Variants in MADD observed in about 807,000 individuals in gnomAD.
MADD encodes MAP kinase-activating death domain protein.
A neutral mutation model predicts 176.7 loss-of-function variants in MADD; 109 were observed. The observed-to-expected ratio is 0.62, with a 90% confidence interval of 0.53 to 0.72. MADD has a LOEUF of 0.72. Ranked by LOEUF, MADD falls within the 30% of genes least tolerant of loss-of-function variation. The pLI is 0.00. For synonymous variants in MADD, 771 were observed against 771.3 expected, an observed-to-expected ratio of 1.00 and a Z score of 0.01; for missense variants, 1,914 against 2,045.5, an observed-to-expected ratio of 0.94 and a Z score of 1.24.
exon 33 of MADD, chr11:47,329,437 A>C (rs1317523793): frequency 2.4e-6 from 1 of 421,510 alleles, no homozygotes; most frequent in Non-Finnish European, 4.4e-6. Context: ...TGTGTCCTTG[A>C]GACATTTGTG....
chr11:47,324,598 G>T, intron 30 of MADD, 21 bp downstream of exon 33: 1 of 1,536,256 alleles, frequency 6.5e-7, no homozygotes, highest in Non-Finnish European at 9.0e-7. Context: ...GCGGCAGCAC[G>T]AGGCTCCCTG....
At chr11:47,283,125 G>T (rs370454867) in intron 10 of MADD, among the ~76,000 whole-genome samples, 156 bp downstream of exon 10, 1 of 152,112 alleles carries the variant, frequency 6.6e-6, no homozygotes. Flanking sequence ...ACGGAGTCTC[G>T]CTCTGTCACC....
chr11:47,321,912 G>T (rs1459515371), intron 27 of MADD, among the ~76,000 whole-genome samples: 1 of 152,144 alleles, frequency 6.6e-6, no homozygotes, highest in Non-Finnish European at 1.5e-5. Context: ...TGGACACAAT[G>T]AGTTTGAGGT....
chr11:47,291,893 AG>A (rs1394535979), intron 19 of MADD, among the ~76,000 whole-genome samples: 1 of 152,204 alleles, frequency 6.6e-6, no homozygotes, highest in African/African-American at 2.4e-5. Flanking sequence ...TTCCCTATGA[AG>A]ATGCTGGTCT....
intron 25 of MADD, among the ~76,000 whole-genome samples, chr11:47,310,672 A>G (rs1325050960): frequency 3.3e-5 from 5 of 150,580 alleles, no homozygotes; most frequent in Non-Finnish European, 7.4e-5. Context: ...TTGGGAGAAC[A>G]GGGCGGGCAG....
chr11:47,317,387 T>A (rs529378291), intron 27 of MADD, among the ~76,000 whole-genome samples: 1 of 152,230 alleles, frequency 6.6e-6, no homozygotes, highest in Admixed American at 6.5e-5. Flanking sequence ...TTGGTTGATA[T>A]AATTCTTAAG....
At chr11:47,299,379 C>T (rs139258232) in intron 22 of MADD, among the ~76,000 whole-genome samples, 35 of 151,908 alleles carry the variant, frequency 2.3e-4, no homozygotes, top group African/African-American at 8.0e-4. Context: ...CTTTTACCTC[C>T]TTCATAAAAG....
chr11:47,316,747 T>C (rs1361197919), intron 27 of MADD, among the ~76,000 whole-genome samples: 1 of 151,866 alleles, frequency 6.6e-6, no homozygotes, highest in Non-Finnish European at 1.5e-5. Flanking sequence ...TTTTCCTCCT[T>C]TCTTTTTTTT....
intron 15 of MADD, among the ~76,000 whole-genome samples, chr11:47,288,220 T>G (rs1186320222): frequency 6.6e-6 from 1 of 151,990 alleles, no homozygotes; most frequent in East Asian, 1.9e-4. Flanking sequence ...AGCCCAGGAG[T>G]TTGAGGTACA....
At chr11:47,304,935 G>A (rs1452894300) in intron 22 of MADD, among the ~76,000 whole-genome samples, 1 of 152,136 alleles carries the variant, frequency 6.6e-6, no homozygotes. Context: ...TAGTGTGCCA[G>A]TTGGGAAGGG....
intron 27 of MADD, among the ~76,000 whole-genome samples, chr11:47,315,819 A>G (rs1594896139): frequency 7.1e-6 from 1 of 140,074 alleles, no homozygotes; most frequent in South Asian, 2.3e-4. Flanking sequence ...TATATAGTAG[A>G]TGATACCCAT....
intron 7 of MADD, 73 bp downstream of exon 7, chr11:47,279,152 C>G: frequency 1.4e-6 from 2 of 1,416,966 alleles, no homozygotes; most frequent in Middle Eastern, 1.7e-4. Flanking sequence ...CAGCTATTCT[C>G]AGAGCCAATT....
intron 26 of MADD, among the ~76,000 whole-genome samples, chr11:47,314,155 C>T (rs1297205238): frequency 2.0e-5 from 3 of 151,826 alleles, no homozygotes; most frequent in African/African-American, 7.3e-5. Flanking sequence ...GTGGGAGGAT[C>T]ACTTGAGCTC....
At chr11:47,276,682 A>T (rs1247025381) in intron 4 of MADD, 50 bp from the exon 5 acceptor site, 1 of 1,598,368 alleles carries the variant, frequency 6.3e-7, no homozygotes, top group South Asian at 1.1e-5. Context: ...GTTTTCTTGT[A>T]AACCATATTT....
intron 26 of MADD, among the ~76,000 whole-genome samples, chr11:47,313,411 T>C (rs1223406809): frequency 1.3e-5 from 2 of 150,654 alleles, no homozygotes; most frequent in African/African-American, 4.9e-5. Context: ...GGCTCCTGGG[T>C]TCAAGCAATT....
intron 1 of MADD, 78 bp downstream of exon 1, chr11:47,270,324 C>G (rs868310483): frequency 5.5e-4 from 80 of 146,412 alleles, no homozygotes; most frequent in African/African-American, 1.9e-3. Flanking sequence ...GAGAGGACAC[C>G]GTGGCTCTTG....
chr11:47,281,431 A>G lies in MADD; in HGVS notation c.1291-144A>G, dbSNP rs146610874. On this transcript the variant is annotated intron_variant, in intron 7 of 32. Coordinates refer to ENST00000402192, the Ensembl canonical transcript of MADD. ...CTGAAATGGGTTGGCCGTGATTTGC[A>G]AATTAGCACCGTTCTTTGTTGCAGA... is the stretch of plus-strand genomic sequence containing the variant. 85 of 546,494 alleles carry G rather than the reference A, an allele frequency of 1.6e-4. No individual in the cohort carries two copies. The East Asian group carries it at 2.7e-3, about 17-fold the overall frequency. The allele number at this position is 546,494 out of a possible 1,614,324, so 33.9% of individuals were successfully genotyped here.
chr11:47,271,519 G>GA (rs1453420397), intron 1 of MADD, among the ~76,000 whole-genome samples: 1 of 152,164 alleles, frequency 6.6e-6, no homozygotes, highest in African/African-American at 2.4e-5. Flanking sequence ...TGTCAGTGGA[G>GA]AGGGACTGAG....
Position 47,285,038 on chromosome 11 carries a change from A to G in MADD, c.2255A>G (p.Asp752Gly), listed in dbSNP as rs557015206. 2.1e-5 allele frequency: 34 copies of G among 1,614,130 alleles called. No individual in the cohort carries two copies. In the South Asian group the frequency reaches 3.6e-4, roughly 17 times the overall value. The change falls in exon 13 of 33, where the codon GAC (aspartate) becomes GGC (glycine). Residue 752 changes from aspartate to glycine, a missense_variant. Asp to Gly is a moderately conservative substitution (Grantham distance 94). Around this residue, in one of 2 missense-constraint regions of MADD, gnomAD observed 1,767 missense variants for 1,836.0 expected, o/e 0.96. Coordinates refer to ENST00000402192, the Ensembl canonical transcript of MADD. ...CCCAGCATTGGCAAATCGAACGTGGACAGACGTCAGGCAGAAATTGGAGAG... is the reference window on the plus strand; with the variant it reads ...CCCAGCATTGGCAAATCGAACGTGGGCAGACGTCAGGCAGAAATTGGAGAG...
Sources: allele counts gnomAD v4.1 joint callset (sites outside exome capture counted in the v4.1 genomes callset), GRCh38; gene constraint gnomAD v4.1.1; regional missense constraint gnomAD v4.1.1; transcripts MANE v1.5; gene names NCBI Gene and HGNC (gene_info 2026-07-23, HGNC 2026-07-21).